Variants in JAKMIP1 observed in about 807,000 individuals in gnomAD.
JAKMIP1 encodes janus kinase and microtubule interacting protein 1.
Under a neutral mutation model 113.0 loss-of-function variants are expected in JAKMIP1, and 33 were observed. The observed-to-expected ratio is 0.29, with a 90% CI of 0.22 to 0.39. JAKMIP1 has a LOEUF of 0.39. Among genes scored for constraint, JAKMIP1 ranks in the 10% least tolerant of loss-of-function variants. JAKMIP1 has a pLI of 1.00. For synonymous variants in JAKMIP1, 480 were observed against 459.9 expected, an observed-to-expected ratio of 1.04 and a Z score of -0.56; for missense variants, 813 against 1,080.5, an observed-to-expected ratio of 0.75 and a Z score of 3.47.
chr4:6,150,325 C>G lies in JAKMIP1; in HGVS notation c.-147-37328G>C, dbSNP rs1012093152. 3 of 152,270 alleles carry G rather than the reference C, an allele frequency of 2.0e-5. No individual in the cohort carries two copies. Among genetic ancestry groups the G allele is most frequent in the Non-Finnish European group, 2.9e-5 (2 of 68,110 alleles). 9.4% of individuals were successfully genotyped at this position (152,270 alleles called of 1,614,324 possible). On this transcript the variant is annotated intron_variant, in intron 1 of 20. Transcript: ENST00000409021. This position sits in a 1 kb window ranked among gnomAD's most constrained non-coding sequence, Gnocchi z 4.8. Reference sequence around the variant, plus strand: ...TCCCAGTACAGAGAAGGAGAAACACCTCAGAGAAAGCAAGCAGACTGCGGA... The same window carrying G: ...TCCCAGTACAGAGAAGGAGAAACACGTCAGAGAAAGCAAGCAGACTGCGGA...
In JAKMIP1 at chr4:6,081,215, C is replaced by T. The variant is rs893508290; in HGVS notation, c.1101+394G>A. 2.0e-5 allele frequency among the ~76,000 whole-genome samples: 3 copies of T among 152,358 alleles called. No individual in the cohort carries two copies. The highest frequency in any genetic ancestry group is 3.9e-4 in the East Asian group (2 of 5,192). ...AAACCCCTCTGCAGAGCATCGCCAG[C>T]GATCATTGTAACAGCTTTCACTTGC... On this transcript the variant is annotated intron_variant, in intron 6 of 20. Coordinates refer to ENST00000409021, the MANE Select transcript of JAKMIP1 (RefSeq NM_001099433.2). The surrounding 1 kb of genome is among the most constrained non-coding windows in gnomAD (Gnocchi z 4.6).
chr4:6,159,364 T>C (rs1019232601), intron 1 of JAKMIP1, among the ~76,000 whole-genome samples: 1 of 151,690 alleles, frequency 6.6e-6, no homozygotes, highest in African/African-American at 2.4e-5. Context: ...AAATTTTAAA[T>C]CTCTGTACAG....
chr4:6,037,461 A>G (rs1713653523), intron 18 of JAKMIP1, among the ~76,000 whole-genome samples: 1 of 124,456 alleles, frequency 8.0e-6, no homozygotes, highest in Non-Finnish European at 1.6e-5. Context: ...GTAGCCCTCC[A>G]TCACTGAGGC....
intron 1 of JAKMIP1, among the ~76,000 whole-genome samples, chr4:6,132,279 A>C (rs1375709911): frequency 1.3e-5 from 2 of 152,218 alleles, no homozygotes; most frequent in Non-Finnish European, 2.9e-5. Context: ...TAGGGTGACT[A>C]CTAAAAAAAG....
intron 17 of JAKMIP1, among the ~76,000 whole-genome samples, chr4:6,041,412 C>T (rs140910712): frequency 1.2e-3 from 183 of 152,304 alleles, no homozygotes; most frequent in Non-Finnish European, 2.2e-3. Flanking sequence ...CCACACCACA[C>T]CCTGCTCCTA....
In JAKMIP1 at chr4:6,081,244, G is replaced by T. The variant is rs762563270; in HGVS notation, c.1101+365C>A. Among the ~76,000 whole-genome samples the T allele has an allele frequency of 5.9e-5, 9 of 152,216 alleles. No individual in the cohort carries two copies. Among genetic ancestry groups the T allele is most frequent in the Non-Finnish European group, 1.3e-4 (9 of 68,044 alleles). ...CATTGTAACAGCTTTCACTTGCTGG[G>T]TGTCCTCTGGGCCCGTTCCCTGTGA... On this transcript the variant is annotated intron_variant, in intron 6 of 20. Transcript: ENST00000409021. This position sits in a 1 kb window ranked among gnomAD's most constrained non-coding sequence, Gnocchi z 4.6.
rs186840420 is a variant in JAKMIP1, at chr4:6,064,838, G to T, written c.1431+42C>A. ...AAAAGCAGGAGGTGCCGCCCCGAGAGCATCTGGGGTGAGGTCCCGCCCTCT... is the reference window on the plus strand; with the variant it reads ...AAAAGCAGGAGGTGCCGCCCCGAGATCATCTGGGGTGAGGTCCCGCCCTCT... On this transcript the variant is annotated intron_variant, in intron 9 of 20. Coordinates refer to ENST00000409021, the MANE Select transcript of JAKMIP1 (RefSeq NM_001099433.2). The surrounding 1 kb of genome is among the most constrained non-coding windows in gnomAD (Gnocchi z 4.3). The T allele has an allele frequency of 2.6e-5, 42 of 1,611,702 alleles. No individual in the cohort carries two copies. The highest frequency in any genetic ancestry group is 2.3e-4 in the Admixed American group (14 of 59,974).
At chr4:6,100,310 C>G (rs1712789907) in intron 3 of JAKMIP1, among the ~76,000 whole-genome samples, 1 of 152,166 alleles carries the variant, frequency 6.6e-6, no homozygotes, top group South Asian at 2.1e-4. Context: ...CTGGAGATTT[C>G]ATACAAATGC....
chr4:6,036,302 T>A (rs1042759471), intron 18 of JAKMIP1, among the ~76,000 whole-genome samples, 195 bp from the exon 19 acceptor site: 3 of 152,168 alleles, frequency 2.0e-5, no homozygotes, highest in African/African-American at 7.2e-5. Flanking sequence ...CCCGCACACT[T>A]GTCATTTTTT....
At chr4:6,060,625 C>A in intron 10 of JAKMIP1, 118 bp from the exon 11 acceptor site, 2 of 760,808 alleles carry the variant, frequency 2.6e-6, no homozygotes, top group East Asian at 2.5e-5. Flanking sequence ...ACCTTAGGAA[C>A]AGGTTCACTT....
At chr4:6,043,525 C>T (rs1714614898) in intron 16 of JAKMIP1, among the ~76,000 whole-genome samples, 1 of 152,092 alleles carries the variant, frequency 6.6e-6, no homozygotes, top group African/African-American at 2.4e-5. Flanking sequence ...GCCGCTGCCT[C>T]CTGCACCCCT....
intron 1 of JAKMIP1, among the ~76,000 whole-genome samples, chr4:6,122,775 G>T (rs77536194): frequency 6.6e-6 from 1 of 152,132 alleles, no homozygotes; most frequent in Non-Finnish European, 1.5e-5. Flanking sequence ...GCGAGAGCAC[G>T]GGCTCAGGAG....
In JAKMIP1 at chr4:6,116,544, AG is replaced by A. The variant is rs1176290036; in HGVS notation, c.-147-3548del. 6.6e-6 allele frequency among the ~76,000 whole-genome samples: 1 copy of A among 152,192 alleles called. No individual in the cohort carries two copies. Among genetic ancestry groups the A allele is most frequent in the African/African-American group, 2.4e-5 (1 of 41,450 alleles). ...TGGACCTTGTCTGGCATATAGGCCA[AG>A]GTTGGCAAATATTCATCTCCCGCAA... On this transcript the variant is annotated intron_variant, in intron 1 of 20. Transcript: ENST00000409021. This position sits in a 1 kb window ranked among gnomAD's most constrained non-coding sequence, Gnocchi z 5.1.
At chr4:6,078,788 G>A in intron 8 of JAKMIP1, 151 bp downstream of exon 8, 17 of 672,974 alleles carry the variant, frequency 2.5e-5, no homozygotes, top group Middle Eastern at 5.7e-4. Flanking sequence ...TTTGAGAGAC[G>A]GTGATGACAG....
rs1476298206 is a variant in JAKMIP1, at chr4:6,038,145, G to A, written c.2176-2038C>T. ...AGTAGCCCTCCATCACTGAGGCAGA[G>A]GCTAACCGGTATCCCTCCATCACTG... On this transcript the variant is annotated intron_variant, in intron 18 of 20. Transcript: ENST00000409021. Among the ~76,000 whole-genome samples the A allele has an allele frequency of 2.2e-4, 30 of 139,384 alleles. 1 individual carries two copies. Among genetic ancestry groups the A allele is most frequent in the Non-Finnish European group, 6.2e-5 (4 of 64,716 alleles). 91.4% of individuals were successfully genotyped at this position (139,384 alleles called of 152,430 possible).
rs1418764598 is a variant in JAKMIP1, at chr4:6,151,023, T to C, written c.-147-38026A>G. ...CTTTCTCCCCAAGCTTTGGCTTCTATGTGACCTTGTGCAGCGCCCCCGCCA... is the reference window on the plus strand; with the variant it reads ...CTTTCTCCCCAAGCTTTGGCTTCTACGTGACCTTGTGCAGCGCCCCCGCCA... On this transcript the variant is annotated intron_variant, in intron 1 of 20. Coordinates refer to ENST00000409021, the MANE Select transcript of JAKMIP1 (RefSeq NM_001099433.2). 5.9e-5 allele frequency among the ~76,000 whole-genome samples: 9 copies of C among 152,060 alleles called. 1 individual carries two copies. The South Asian group carries it at 8.3e-4, about 14-fold the overall frequency.
At chr4:6,163,021 G>A (rs564928903) in intron 1 of JAKMIP1, among the ~76,000 whole-genome samples, 2 of 152,118 alleles carry the variant, frequency 1.3e-5, no homozygotes, top group Non-Finnish European at 2.9e-5. Context: ...CCAGCTTCAG[G>A]GTTTGACATG....
Position 6,105,809 on chromosome 4 carries a change from C to T in JAKMIP1, c.288G>A (p.Glu96=), listed in dbSNP as rs1431645519. 6.2e-7 allele frequency: 1 copy of T among 1,609,872 alleles called. No individual in the cohort carries two copies. The highest frequency in any genetic ancestry group is 8.5e-7 in the Non-Finnish European group (1 of 1,179,742). Reference sequence around the variant, plus strand: ...TCTTGGCGGTGCGCGCCGCCTCCTGCTCGTGCTGCCGGATGAGCCCCTCGC... The same window carrying T: ...TCTTGGCGGTGCGCGCCGCCTCCTGTTCGTGCTGCCGGATGAGCCCCTCGC... The part of the protein sequence containing the change: ...ALREGLIRQH[E]QEAARTAKIK... Residue 96 remains glutamate, a synonymous_variant, in exon 3 of 21, where the codon GAG becomes GAA. Coordinates refer to ENST00000409021, the MANE Select transcript of JAKMIP1 (RefSeq NM_001099433.2).
At chr4:6,026,312 G>C (rs1204608431) in intron 20 of JAKMIP1, 34 bp from the exon 21 acceptor site, 3 of 1,082,314 alleles carry the variant, frequency 2.8e-6, no homozygotes, top group Non-Finnish European at 4.1e-6. Flanking sequence ...ATGAGGAAAA[G>C]AGAAGAAAAA....
Sources: gnomAD v4.1 joint callset for allele counts (sites outside exome capture counted in the v4.1 genomes callset) on GRCh38, gnomAD v4.1.1 for gene constraint, Gnocchi (gnomAD v3.1) non-coding constraint, MANE v1.5 for transcripts, NCBI Gene and HGNC (gene_info 2026-07-23, HGNC 2026-07-21) for gene names.